Variants in TMSB15A observed in about 807,000 individuals in gnomAD.
TMSB15A encodes the protein thymosin beta-15A.
TMSB15A carries 1 observed loss-of-function variant against 3.2 expected under a neutral mutation model. The ratio of observed to expected loss-of-function variants is 0.32; its 90% confidence interval spans 0.11 to 1.50. TMSB15A has a LOEUF of 1.50. TMSB15A is among the 40% of genes most tolerant of loss of function. The probability of loss-of-function intolerance (pLI) is 0.39; values close to 1 mark genes in which losing one functional copy is unlikely to be tolerated. For missense variants in TMSB15A, 22 were observed against 27.8 expected, an observed-to-expected ratio of 0.79 and a Z score of 0.47; for synonymous variants, 10 against 11.2, an observed-to-expected ratio of 0.90 and a Z score of 0.21.
rs1231816662 is a variant in TMSB15A, at chrX:102,514,108, T to C, written c.117A>G (p.Lys39=). ...LPSKETIQQE[K]ECVQTS is the part of the protein sequence containing the mutation. ...CATTTTATGATGTTTGAACACACTC[T>C]TTCTCTTGCTGGATAGCTGGGAAGA... The change falls in exon 3 of 3, where the codon AAA becomes AAG. Residue 39 remains lysine, a synonymous_variant. Transcript: ENST00000289373. 14 of 1,210,157 alleles carry C rather than the reference T, an allele frequency of 1.2e-5. No homozygotes were observed. The highest frequency in any genetic ancestry group is 1.3e-5 in the Non-Finnish European group (12 of 895,112).
At chrX:102,515,317 A>G in intron 1 of TMSB15A, 137 bp from the exon 2 acceptor site, 1 of 502,466 alleles carries the variant, frequency 2.0e-6, no homozygotes. Flanking sequence ...ACAGCAACAG[A>G]TCTTAGAAAA....
chrX:102,514,844 A>T (rs952256730), intron 2 of TMSB15A, among the ~76,000 whole-genome samples: 1 of 111,783 alleles, frequency 8.9e-6, no homozygotes, highest in Non-Finnish European at 1.9e-5. Context: ...CCAACAAGAA[A>T]CTAGTTTTCC....
intron 1 of TMSB15A, 56 bp from the exon 2 acceptor site, chrX:102,515,236 A>C (rs1300783982): frequency 8.6e-6 from 9 of 1,051,828 alleles, no homozygotes; most frequent in Middle Eastern, 3.8e-4. Flanking sequence ...TCTTCGGACT[A>C]AGGGGTCACA....
At chrX:102,515,681 T>G (rs1934887999) in intron 1 of TMSB15A, among the ~76,000 whole-genome samples, 1 of 111,143 alleles carries the variant, frequency 9.0e-6, no homozygotes, top group African/African-American at 3.3e-5. Flanking sequence ...TTGTACTAAT[T>G]TCTTTCTATT....
Position 102,513,774 on chromosome X carries a change from G to A in TMSB15A, c.*313C>T, listed in dbSNP as rs1342512509. On this transcript the variant is annotated 3_prime_UTR_variant, in exon 3 of 3. Coordinates refer to ENST00000289373, the MANE Select transcript of TMSB15A (RefSeq NM_021992.3). ...CATGCAACTTCATGAAGATTATGAA[G>A]CAATGGAAGCACCCATCATAGCAGG... 3.9e-6 allele frequency: 1 copy of A among 256,736 alleles called. No homozygotes were observed. Among genetic ancestry groups the A allele is most frequent in the Non-Finnish European group, 7.0e-6 (1 of 143,101 alleles). The allele number at this position is 256,736 out of a possible 1,213,427, so 21.2% of individuals were successfully genotyped here.
At chrX:102,515,906 C>T (rs1009308182) in intron 1 of TMSB15A, among the ~76,000 whole-genome samples, 2 of 111,750 alleles carry the variant, frequency 1.8e-5, no homozygotes, top group East Asian at 2.8e-4. Flanking sequence ...CTTAGAGGTG[C>T]ATGGCTGTGG....
chrX:102,515,540 A>G (rs181533827), intron 1 of TMSB15A, among the ~76,000 whole-genome samples: 1 of 111,555 alleles, frequency 9.0e-6, no homozygotes, highest in East Asian at 2.8e-4. Flanking sequence ...ACTGGCTTTA[A>G]CCAGTTAATG....
In TMSB15A at chrX:102,513,902, T is replaced by C. The variant is rs1052382089; in HGVS notation, c.*185A>G. 2.0e-5 allele frequency: 10 copies of C among 496,869 alleles called. No homozygotes were observed. The Middle Eastern group carries it at 2.8e-3, about 139-fold the overall frequency. 40.9% of individuals were successfully genotyped at this position (496,869 alleles called of 1,213,427 possible). ...CTGCCATCTGGAACATATGCACCAATGGTAAGTTTAAAAATGAATTTAAGG... is the reference window on the plus strand; with the variant it reads ...CTGCCATCTGGAACATATGCACCAACGGTAAGTTTAAAAATGAATTTAAGG... On this transcript the variant is annotated 3_prime_UTR_variant, in exon 3 of 3. Coordinates refer to ENST00000289373, the MANE Select transcript of TMSB15A (RefSeq NM_021992.3).
chrX:102,515,251 A>G, intron 1 of TMSB15A, 71 bp from the exon 2 acceptor site: 1 of 950,542 alleles, frequency 1.1e-6, no homozygotes, highest in Non-Finnish European at 1.5e-6. Flanking sequence ...GTCACAAGCA[A>G]AAATTTTCAT....
intron 1 of TMSB15A, among the ~76,000 whole-genome samples, chrX:102,516,428 A>C (rs1934895634): frequency 8.9e-6 from 1 of 111,898 alleles, no homozygotes; most frequent in Admixed American, 9.3e-5. Flanking sequence ...CCGCCTCCCA[A>C]CCCCGGGGCC....
At chrX:102,514,158 T>A (rs782069851) in intron 2 of TMSB15A, 34 bp from the exon 3 acceptor site, 2 of 1,205,425 alleles carry the variant, frequency 1.7e-6, no homozygotes, top group Non-Finnish European at 2.2e-6. Flanking sequence ...ATTAACCGTA[T>A]GTACCTAAGA....
rs1483084102 is a variant in TMSB15A, at chrX:102,513,934, T to C, written c.*153A>G. The C allele has an allele frequency of 1.7e-5, 10 of 575,967 alleles. No homozygotes were observed. The East Asian group carries it at 3.3e-4, about 19-fold the overall frequency. The allele number at this position is 575,967 out of a possible 1,213,427, so 47.5% of individuals were successfully genotyped here. On this transcript the variant is annotated 3_prime_UTR_variant, in exon 3 of 3. Transcript: ENST00000289373. ...TTTAAAAATGAATTTAAGGAAACAT[T>C]GGCTACCTCTGACTTCTTAGCCAGG...
In TMSB15A at chrX:102,514,057, G is replaced by A. The variant is rs1556403215; in HGVS notation, c.*30C>T. On this transcript the variant is annotated 3_prime_UTR_variant, in exon 3 of 3. Coordinates refer to ENST00000289373, the MANE Select transcript of TMSB15A (RefSeq NM_021992.3). ...AAAATCAAGACTCTCAGGTAATGTC[G>A]AAATCTGCTGTTGGGAGGCGATCCC... 6 of 1,207,861 alleles carry A rather than the reference G, an allele frequency of 5.0e-6. No individual in the cohort carries two copies. Among genetic ancestry groups the A allele is most frequent in the East Asian group, 3.0e-5 (1 of 33,820 alleles).
intron 1 of TMSB15A, among the ~76,000 whole-genome samples, chrX:102,516,454 G>C (rs1429697459): frequency 8.9e-6 from 1 of 112,347 alleles, no homozygotes; most frequent in Non-Finnish European, 1.9e-5. Context: ...TCCAGGGACC[G>C]GCCCCCAGGA....
chrX:102,515,962 A>G (rs1934891514), intron 1 of TMSB15A, among the ~76,000 whole-genome samples: 1 of 111,425 alleles, frequency 9.0e-6, no homozygotes. Flanking sequence ...GAGTTTGTCC[A>G]GAAGAGACAA....
chrX:102,514,456 T>C (rs1312634024), intron 2 of TMSB15A, among the ~76,000 whole-genome samples: 2 of 112,361 alleles, frequency 1.8e-5, no homozygotes, highest in Non-Finnish European at 3.8e-5. Flanking sequence ...TAGGAAGTTA[T>C]ACCTTTTCAG....
chrX:102,514,964 T>G, intron 2 of TMSB15A, 100 bp downstream of exon 2: 1 of 879,662 alleles, frequency 1.1e-6, no homozygotes, highest in Non-Finnish European at 1.6e-6. Context: ...CTCTAATTAT[T>G]GCTTACTTTG....
intron 1 of TMSB15A, among the ~76,000 whole-genome samples, 168 bp downstream of exon 1, chrX:102,516,498 G>T (rs1934897226): frequency 8.9e-6 from 1 of 112,892 alleles, no homozygotes; most frequent in Non-Finnish European, 1.9e-5. Flanking sequence ...GCGGCCCCCT[G>T]GAAGACAAAG....
At chrX:102,516,505 A>G (rs983215613) in intron 1 of TMSB15A, among the ~76,000 whole-genome samples, 161 bp downstream of exon 1, 1 of 112,965 alleles carries the variant, frequency 8.9e-6, no homozygotes, top group Non-Finnish European at 1.9e-5. Context: ...CCTGGAAGAC[A>G]AAGGCGCGGA....
Sources: gnomAD v4.1 joint callset for allele counts (sites outside exome capture counted in the v4.1 genomes callset) on GRCh38, gnomAD v4.1.1 for gene constraint, MANE v1.5 for transcripts, NCBI Gene and HGNC (gene_info 2026-07-23, HGNC 2026-07-21) for gene names.